The following SGCZ variants were observed in gnomAD, a reference collection of about 807,000 sequenced individuals.
SGCZ encodes the protein zeta-sarcoglycan.
In SGCZ, 40 loss-of-function variants were observed where a neutral mutation model predicts 41.3. That is an observed-to-expected ratio of 0.97 (90% CI 0.75 to 1.26). The LOEUF (loss-of-function observed/expected upper bound fraction) is 1.26. SGCZ is among the 50% of genes most tolerant of loss of function. SGCZ has a pLI of 0.00. For missense variants in SGCZ, 552 were observed against 369.8 expected (o/e 1.49, Z -4.04); for synonymous variants, 206 against 137.5 (o/e 1.50, Z -3.49).
chr8:14,712,507 T>C (rs1311038054), intron 1 of SGCZ, among the ~76,000 whole-genome samples: 2 of 152,154 alleles, frequency 1.3e-5, no homozygotes, highest in Admixed American at 6.6e-5. Flanking sequence ...ATGTAGTGAA[T>C]TTTAAAAGTG....
chr8:14,297,703 A>G (rs890190248), intron 3 of SGCZ, among the ~76,000 whole-genome samples: 1 of 152,102 alleles, frequency 6.6e-6, no homozygotes, highest in Non-Finnish European at 1.5e-5. Context: ...ATAAAAAGCA[A>G]TAGAACATCT....
chr8:14,367,813 C>T (rs1281010539), intron 2 of SGCZ, among the ~76,000 whole-genome samples: 1 of 152,074 alleles, frequency 6.6e-6, no homozygotes, highest in African/African-American at 2.4e-5. Context: ...TGGGTCGAGA[C>T]ACACTAATCA....
chr8:15,056,206 G>C (rs534329994), intron 1 of SGCZ, among the ~76,000 whole-genome samples: 10 of 152,250 alleles, frequency 6.6e-5, no homozygotes, highest in Non-Finnish European at 1.0e-4. Flanking sequence ...TTTCCTTCCA[G>C]ACCCTTGGAT....
chr8:14,384,626 C>A (rs1332419731), intron 2 of SGCZ, among the ~76,000 whole-genome samples: 2 of 152,218 alleles, frequency 1.3e-5, no homozygotes, highest in African/African-American at 4.8e-5. Context: ...ATGGCACCAT[C>A]TCAGCTCACT....
chr8:15,083,002 TACAG>T (rs1805809695), intron 1 of SGCZ, among the ~76,000 whole-genome samples: 1 of 152,228 alleles, frequency 6.6e-6, no homozygotes, highest in Admixed American at 6.5e-5. Flanking sequence ...TTGAATTTAC[TACAG>T]ACAAATTTCT....
At chr8:14,920,179 A>G (rs1049548382) in intron 1 of SGCZ, among the ~76,000 whole-genome samples, 11 of 152,180 alleles carry the variant, frequency 7.2e-5, no homozygotes, top group Non-Finnish European at 7.3e-5. Context: ...AGCTTCTGAC[A>G]CTGTGGAGGG....
intron 1 of SGCZ, among the ~76,000 whole-genome samples, chr8:14,619,749 T>C (rs971576006): frequency 6.6e-6 from 1 of 152,102 alleles, no homozygotes; most frequent in African/African-American, 2.4e-5. Context: ...TTGAAGGACC[T>C]TTTCAAGGAG....
At chr8:15,103,622 G>C (rs1194988168) in intron 1 of SGCZ, among the ~76,000 whole-genome samples, 1 of 152,044 alleles carries the variant, frequency 6.6e-6, no homozygotes, top group Admixed American at 6.6e-5. Context: ...GATTCATCTG[G>C]TTTGAGTATG....
intron 1 of SGCZ, among the ~76,000 whole-genome samples, chr8:14,781,527 A>G (rs1800587298): frequency 6.6e-6 from 1 of 151,980 alleles, no homozygotes; most frequent in Non-Finnish European, 1.5e-5. Flanking sequence ...CCACGCCCAG[A>G]CTAAAAATAT....
intron 1 of SGCZ, among the ~76,000 whole-genome samples, chr8:14,623,770 A>C (rs2117377073): frequency 6.6e-6 from 1 of 152,222 alleles, no homozygotes; most frequent in South Asian, 2.1e-4. Context: ...GGGTGCTGGG[A>C]GACAGATTTC....
intron 3 of SGCZ, among the ~76,000 whole-genome samples, chr8:14,323,297 T>G (rs73209873): frequency 0.36 from 55,012 of 151,900 alleles, 11,331 homozygotes; most frequent in South Asian, 0.58. Context: ...ATTAAAACAT[T>G]ATTTTAGCCT....
chr8:15,166,538 A>G (rs942253884), intron 1 of SGCZ, among the ~76,000 whole-genome samples: 3 of 152,068 alleles, frequency 2.0e-5, no homozygotes, highest in Middle Eastern at 3.2e-3. Context: ...GTGAGCCACC[A>G]CGCCTGGCCG....
chr8:14,872,332 T>A (rs1804192502), intron 1 of SGCZ, among the ~76,000 whole-genome samples: 1 of 152,110 alleles, frequency 6.6e-6, no homozygotes, highest in African/African-American at 2.4e-5. Context: ...TAAAAAAACA[T>A]AGAAATATAA....
At chr8:14,358,451 G>A (rs1803373993) in intron 2 of SGCZ, among the ~76,000 whole-genome samples, 1 of 151,768 alleles carries the variant, frequency 6.6e-6, no homozygotes, top group African/African-American at 2.4e-5. Flanking sequence ...GTCACCAGAT[G>A]GTAACGCAAT....
At position 14,604,007 on chromosome 8, in the gene SGCZ, T is replaced by G. The variant is rs1200908281; in HGVS notation, c.40-49081A>C. On this transcript the variant is annotated intron_variant, in intron 1 of 7. Transcript: ENST00000382080. ...AATAGCAAACTGCCCTAAAAGTAAT[T>G]CAACATCCTTAACAATTCATCCCAA... is the stretch of plus-strand genomic sequence containing the variant. Among the ~76,000 whole-genome samples, 3 of 152,250 alleles carry G rather than the reference T, an allele frequency of 2.0e-5. No homozygotes were observed. The East Asian group carries it at 5.8e-4, about 29-fold the overall frequency.
chr8:14,730,716 G>C (rs1810210565), intron 1 of SGCZ, among the ~76,000 whole-genome samples: 1 of 151,718 alleles, frequency 6.6e-6, no homozygotes, highest in South Asian at 2.1e-4. Context: ...TGTTCACCAA[G>C]GCACCTCCAT....
rs144357405 is a variant in SGCZ, at chr8:15,085,014, G to T, written c.39+152571C>A. On this transcript the variant is annotated intron_variant, in intron 1 of 7. Coordinates refer to ENST00000382080, the MANE Select transcript of SGCZ (RefSeq NM_139167.4). ...GTGCTCCACCTACTATTTGCCAAGT[G>T]ACCATGTAATTTGATAGATACACAT... 2.3e-3 allele frequency among the ~76,000 whole-genome samples: 357 copies of T among 152,190 alleles called. 3 individuals are homozygous for T. Among genetic ancestry groups the T allele is most frequent in the African/African-American group, 7.9e-3 (330 of 41,514 alleles).
chr8:14,678,129 G>C (rs1322221297), intron 1 of SGCZ, among the ~76,000 whole-genome samples: 1 of 152,092 alleles, frequency 6.6e-6, no homozygotes, highest in Admixed American at 6.6e-5. Flanking sequence ...GCTTTTGTTT[G>C]GCAATGTTGA....
chr8:14,435,213 A>G (rs192096837), intron 2 of SGCZ, among the ~76,000 whole-genome samples: 152 of 152,242 alleles, frequency 1.0e-3, no homozygotes, highest in Non-Finnish European at 1.9e-3. Context: ...GTTAAATTTA[A>G]TATCTTGCAT....
Sources: allele counts gnomAD v4.1 joint callset (sites outside exome capture counted in the v4.1 genomes callset), GRCh38; gene constraint gnomAD v4.1.1; transcripts MANE v1.5; gene names NCBI Gene and HGNC (gene_info 2026-07-23, HGNC 2026-07-21).